Variants in FAM124A observed in about 807,000 individuals in gnomAD.
The protein encoded by FAM124A is family with sequence similarity 124 member A, also known as protein FAM124A.
FAM124A carries 23 observed loss-of-function variants against 24.5 expected under a neutral mutation model. The ratio of observed to expected loss-of-function variants is 0.94; its 90% CI spans 0.68 to 1.33. The LOEUF (loss-of-function observed/expected upper bound fraction) is 1.33, where lower values mean the gene tolerates loss of function less well. Among genes scored for constraint, FAM124A ranks in the 40% most tolerant of loss-of-function variants. The probability of loss-of-function intolerance (pLI) is 0.00; values close to 1 mark genes in which losing one functional copy is unlikely to be tolerated. For synonymous variants in FAM124A, 287 were observed against 314.7 expected (o/e 0.91, Z 0.93); for missense variants, 623 against 722.8 (o/e 0.86, Z 1.58).
intron 1 of FAM124A, among the ~76,000 whole-genome samples, chr13:51,223,121 C>T (rs1566157756): frequency 6.6e-6 from 1 of 152,142 alleles, no homozygotes; most frequent in Non-Finnish European, 1.5e-5. Flanking sequence ...CTAAGTGCAC[C>T]TGTCCCAGCT....
chr13:51,246,325 T>G (rs1954557967), intron 2 of FAM124A, among the ~76,000 whole-genome samples: 1 of 150,066 alleles, frequency 6.7e-6, no homozygotes, highest in African/African-American at 2.4e-5. Context: ...TCGTGGCAAT[T>G]AATTATTCAC....
intron 3 of FAM124A, 107 bp from the exon 4 acceptor site, chr13:51,280,343 T>C (rs187046253): frequency 1.0e-6 from 1 of 993,994 alleles, no homozygotes; most frequent in East Asian, 2.6e-5. Context: ...TGGTAATGCT[T>C]TATTGCCATG....
chr13:51,235,502 T>G (rs781250420), intron 2 of FAM124A, among the ~76,000 whole-genome samples: 19 of 152,230 alleles, frequency 1.2e-4, no homozygotes, highest in South Asian at 6.2e-4. Flanking sequence ...TTAGAAGGTA[T>G]TAGGAACTTA....
intron 3 of FAM124A, among the ~76,000 whole-genome samples, chr13:51,274,733 A>G (rs1469186231): frequency 6.6e-6 from 1 of 152,130 alleles, no homozygotes; most frequent in Non-Finnish European, 1.5e-5. Context: ...TCTCACATGT[A>G]TTTTTGTATT....
At chr13:51,227,889 G>A (rs934190643) in intron 1 of FAM124A, among the ~76,000 whole-genome samples, 1 of 152,118 alleles carries the variant, frequency 6.6e-6, no homozygotes, top group African/African-American at 2.4e-5. Context: ...AAAAAATCAG[G>A]GGTCTAGACT....
rs1954269460 is a variant in FAM124A at position 51,222,434 on chromosome 13, C to T, written c.-68C>T. ...GGGAGCCCGGCCGGCTCGGACTGGG[C>T]GGCCGGGAGGGAGGGCGCCCCGGGT... On this transcript the variant is annotated 5_prime_UTR_variant, in exon 1 of 4. Transcript: ENST00000322475. 2.6e-6 allele frequency: 3 copies of T among 1,162,526 alleles called. No individual in the cohort carries two copies. Among genetic ancestry groups the T allele is most frequent in the East Asian group, 3.8e-5 (1 of 26,320 alleles). The allele number at this position is 1,162,526 out of a possible 1,614,324, so 72.0% of individuals were successfully genotyped here.
intron 3 of FAM124A, among the ~76,000 whole-genome samples, chr13:51,255,110 C>CT (rs1954662104): frequency 1.3e-5 from 2 of 151,934 alleles, no homozygotes; most frequent in Admixed American, 1.3e-4. Flanking sequence ...CTATGTTATC[C>CT]TTTTTTTAAT....
In FAM124A at chr13:51,280,758, G is replaced by T. The variant is rs1303955262; in HGVS notation, c.1143G>T (p.Trp381Cys). The T allele has an allele frequency of 6.2e-7, 1 of 1,614,096 alleles. No individual in the cohort carries two copies. Among genetic ancestry groups the T allele is most frequent in the African/African-American group, 1.3e-5 (1 of 74,934 alleles). ...PSLASSAEPQ[W>C]FSNTGAPGHR... Reference sequence around the variant, plus strand: ...TGGCCTCCTCAGCTGAACCACAGTGGTTTTCAAACACAGGTGCCCCAGGGC... The same window carrying T: ...TGGCCTCCTCAGCTGAACCACAGTGTTTTTCAAACACAGGTGCCCCAGGGC... Residue 381 changes from tryptophan (W) to cysteine (C), a missense_variant, in exon 4 of 4, where the codon TGG becomes TGT. By Grantham distance (215) the Trp-to-Cys change is radical. Coordinates refer to ENST00000322475, the MANE Select transcript of FAM124A (RefSeq NM_001242312.2).
intron 3 of FAM124A, among the ~76,000 whole-genome samples, chr13:51,275,362 A>G (rs1166333650): frequency 2.6e-5 from 4 of 152,234 alleles, no homozygotes; most frequent in Non-Finnish European, 5.9e-5. Flanking sequence ...TGGGTAACAG[A>G]AGGAGGCCCT....
chr13:51,245,179 A>G, intron 2 of FAM124A: 1 of 436,790 alleles, frequency 2.3e-6, no homozygotes, highest in South Asian at 6.2e-5. Flanking sequence ...TCTGATTTAC[A>G]TAGGGCACAA....
At chr13:51,234,025 T>A (rs1272516864) in intron 2 of FAM124A, among the ~76,000 whole-genome samples, 1 of 152,146 alleles carries the variant, frequency 6.6e-6, no homozygotes, top group African/African-American at 2.4e-5. Context: ...TTTGACATCC[T>A]GGGAGCAGCT....
rs1424647701 is a variant in FAM124A, at chr13:51,282,238, A to T, written c.*982A>T. ...ACGCATCCTATGTTTCTCATTTTTA[A>T]ATGATTTGGAACATTTTAGCCAGCA... On this transcript the variant is annotated 3_prime_UTR_variant, in exon 4 of 4. Transcript: ENST00000322475. 4 of 152,202 alleles carry T rather than the reference A, an allele frequency of 2.6e-5. No homozygotes were observed. The highest frequency in any genetic ancestry group is 2.6e-4 in the Admixed American group (4 of 15,288). The allele number at this position is 152,202 out of a possible 1,614,324, so 9.4% of individuals were successfully genotyped here. A position where few individuals can be genotyped will look rare whatever the true frequency, so the allele number is the denominator to read the frequency against.
At position 51,280,547 on chromosome 13, in the gene FAM124A, C is replaced by T. The variant is rs1319576651; in HGVS notation, c.932C>T (p.Pro311Leu). Residue 311 changes from proline to leucine, a missense_variant, in exon 4 of 4, where the codon CCA (proline) becomes CTA (leucine). Pro to Leu is a moderately conservative substitution (Grantham distance 98, BLOSUM62 -3). Transcript: ENST00000322475. The stretch of plus-strand genomic sequence containing the variant: ...ACTCCTTTGCCGAGCACTGCTGTAC[C>T]AAGCCATACACCTGGCAGCAGCCAG... ...HSTPLPSTAV[P>L]SHTPGSSQQS... is the part of the protein sequence containing the mutation. 4 of 1,614,096 alleles carry T rather than the reference C, an allele frequency of 2.5e-6. No individual in the cohort carries two copies. Among genetic ancestry groups the T allele is most frequent in the Non-Finnish European group, 3.4e-6 (4 of 1,180,040 alleles).
intron 3 of FAM124A, 73 bp from the exon 4 acceptor site, chr13:51,280,377 T>C (rs1954923568): frequency 7.5e-7 from 1 of 1,341,634 alleles, no homozygotes; most frequent in Non-Finnish European, 1.0e-6. Context: ...TTTCCAATGA[T>C]TGGTAACTGT....
At position 51,281,183 on chromosome 13, in the gene FAM124A, C is replaced by T. The variant is rs756945162; in HGVS notation, c.1568C>T (p.Thr523Ile). 27 of 1,612,688 alleles carry T rather than the reference C, an allele frequency of 1.7e-5. No homozygotes were observed. Among genetic ancestry groups the T allele is most frequent in the Non-Finnish European group, 2.2e-5 (26 of 1,179,530 alleles). ...LPCDTPKVKQ[T>I]DGDMPPPPGS... ...TGCGATACCCCCAAAGTCAAGCAGA[C>T]TGATGGAGACATGCCACCACCCCCA... The change falls in exon 4 of 4, where the codon ACT becomes ATT. Residue 523 changes from threonine to isoleucine, a missense_variant. Transcript: ENST00000322475.
At chr13:51,275,397 A>G (rs1954877301) in intron 3 of FAM124A, among the ~76,000 whole-genome samples, 1 of 152,130 alleles carries the variant, frequency 6.6e-6, no homozygotes, top group Non-Finnish European at 1.5e-5. Flanking sequence ...AAAGAAATAA[A>G]CCAGAGTACA....
At chr13:51,267,344 T>C (rs899540793) in intron 3 of FAM124A, among the ~76,000 whole-genome samples, 4 of 152,236 alleles carry the variant, frequency 2.6e-5, no homozygotes, top group Non-Finnish European at 5.9e-5. Flanking sequence ...GATTTTGAAT[T>C]TTTTAAATGT....
At chr13:51,276,329 C>T (rs1376828982) in intron 3 of FAM124A, among the ~76,000 whole-genome samples, 1 of 152,134 alleles carries the variant, frequency 6.6e-6, no homozygotes, top group Non-Finnish European at 1.5e-5. Flanking sequence ...ATACTACCTG[C>T]CATTCTATGC....
At chr13:51,250,367 T>C (rs887336339) in intron 2 of FAM124A, among the ~76,000 whole-genome samples, 2 of 152,256 alleles carry the variant, frequency 1.3e-5, no homozygotes, top group East Asian at 1.9e-4. Context: ...TAAATCACAA[T>C]TGGCCTAAAG....
Sources: gnomAD v4.1 joint callset for allele counts (sites outside exome capture counted in the v4.1 genomes callset) on GRCh38, gnomAD v4.1.1 for gene constraint, MANE v1.5 for transcripts, NCBI Gene and HGNC (gene_info 2026-07-23, HGNC 2026-07-21) for gene names.